The following EHMT1 variants were observed in gnomAD, a reference collection of about 807,000 sequenced individuals.
The protein encoded by EHMT1 is histone-lysine N-methyltransferase EHMT1.
In EHMT1, 15 loss-of-function variants were observed where a neutral mutation model predicts 147.2. The observed-to-expected ratio is 0.10, with a 90% CI of 0.07 to 0.16. The LOEUF (loss-of-function observed/expected upper bound fraction) is 0.16, where lower values mean the gene tolerates loss of function less well. Ranked by LOEUF, EHMT1 falls within the 10% of genes least tolerant of loss-of-function variation. EHMT1 has a pLI of 1.00. For synonymous variants in EHMT1, 795 were observed against 709.6 expected (o/e 1.12, Z -1.91); for missense variants, 1,587 against 1,772.4 (o/e 0.90, Z 1.88).
At chr9:137,825,192 C>T (rs978388489) in intron 25 of EHMT1, among the ~76,000 whole-genome samples, 25 of 152,314 alleles carry the variant, frequency 1.6e-4, no homozygotes, top group African/African-American at 3.6e-4. Flanking sequence ...GGCTTTGCCA[C>T]GCTGCCTTCC....
intron 16 of EHMT1, among the ~76,000 whole-genome samples, chr9:137,792,739 C>A (rs765755394): frequency 6.6e-6 from 1 of 152,000 alleles, no homozygotes; most frequent in Non-Finnish European, 1.5e-5. Context: ...ATGAAAGGCC[C>A]GTACTTAAGA....
In EHMT1 at chr9:137,641,379, C is replaced by T. The variant is rs182889036; in HGVS notation, c.21+22330C>T. 1.7e-4 allele frequency: 88 copies of T among 517,658 alleles called. No individual in the cohort carries two copies. In the East Asian group the frequency reaches 4.0e-3, roughly 23 times the overall value. 32.1% of individuals were successfully genotyped at this position (517,658 alleles called of 1,614,324 possible). A position where few individuals can be genotyped will look rare whatever the true frequency, so the allele number is the denominator to read the frequency against. On this transcript the variant is annotated intron_variant, in intron 1 of 26. Transcript: ENST00000460843. ...GTAAGGATTTTCGTCAAAATAAAAA[C>T]CTATTCTGTAACCTGATTTAATATC...
At chr9:137,774,698 A>G (rs1164347882) in intron 10 of EHMT1, among the ~76,000 whole-genome samples, 15 of 91,522 alleles carry the variant, frequency 1.6e-4, no homozygotes, top group Admixed American at 4.2e-4. Flanking sequence ...GGGTGTGGGC[A>G]CGCCTGCCCC....
Position 137,776,530 on chromosome 9 carries a change from G to A in EHMT1, c.1792-88G>A. 3 of 1,348,884 alleles carry A rather than the reference G, an allele frequency of 2.2e-6. No individual in the cohort carries two copies. Among genetic ancestry groups the A allele is most frequent in the Non-Finnish European group, 3.1e-6 (3 of 960,750 alleles). 83.6% of individuals were successfully genotyped at this position (1,348,884 alleles called of 1,614,324 possible). A position where few individuals can be genotyped will look rare whatever the true frequency, so the allele number is the denominator to read the frequency against. ...CTCACTCTGCAGACCGCCCGATGTG[G>A]GATGCGGTGCCAGTTTAGTAGTACT... On this transcript the variant is annotated intron_variant, in intron 11 of 26. Coordinates refer to ENST00000460843, the MANE Select transcript of EHMT1 (RefSeq NM_024757.5). This position sits in a 1 kb window ranked among gnomAD's most constrained non-coding sequence, Gnocchi z 4.4.
In EHMT1 at chr9:137,627,370, C is replaced by T. The variant is rs190734005; in HGVS notation, c.21+8321C>T. Among the ~76,000 whole-genome samples, 44 of 149,540 alleles carry T rather than the reference C, an allele frequency of 2.9e-4. 1 individual carries two copies. Among genetic ancestry groups the T allele is most frequent in the African/African-American group, 1.1e-3 (43 of 40,508 alleles). ...CTCCACCTCCCGGGTTCAAACGATTCTCTTACCTCAGCCTCCCAAGTAGCT... is the reference window on the plus strand; with the variant it reads ...CTCCACCTCCCGGGTTCAAACGATTTTCTTACCTCAGCCTCCCAAGTAGCT... On this transcript the variant is annotated intron_variant, in intron 1 of 26. Transcript: ENST00000460843.
chr9:137,813,981 C>T lies in EHMT1; in HGVS notation c.3181-450C>T, dbSNP rs1052475966. On this transcript the variant is annotated intron_variant, in intron 21 of 26. Coordinates refer to ENST00000460843, the MANE Select transcript of EHMT1 (RefSeq NM_024757.5). This position sits in a 1 kb window ranked among gnomAD's most constrained non-coding sequence, Gnocchi z 4.9. ...TGCAGCCTGGTGCCCTCACTGCTTG[C>T]GCCTTCTCGAGCACTTTCCTTGTGG... 1.5e-4 allele frequency among the ~76,000 whole-genome samples: 22 copies of T among 150,480 alleles called. No individual in the cohort carries two copies. The highest frequency in any genetic ancestry group is 4.2e-4 in the African/African-American group (17 of 40,632).
intron 18 of EHMT1, chr9:137,803,059 CGGCCCTAGTGT>C: frequency 8.1e-7 from 1 of 1,230,194 alleles, no homozygotes; most frequent in Non-Finnish European, 1.0e-6. Flanking sequence ...GCGGGGAAGG[CGGCCCTAGTGT>C]GGCTGGTCGG....
intron 25 of EHMT1, among the ~76,000 whole-genome samples, chr9:137,832,077 C>T (rs528715497): frequency 2.4e-3 from 355 of 149,282 alleles, no homozygotes; most frequent in African/African-American, 8.2e-3. Flanking sequence ...CCGCCTCCTA[C>T]GTGGCCGCTG....
At chr9:137,760,110 T>A (rs922409171) in intron 9 of EHMT1, among the ~76,000 whole-genome samples, 2 of 151,472 alleles carry the variant, frequency 1.3e-5, no homozygotes, top group Non-Finnish European at 2.9e-5. Context: ...GGGCCAGGAG[T>A]CGGTAACCAT....
At chr9:137,760,757 C>G (rs895619974) in intron 9 of EHMT1, among the ~76,000 whole-genome samples, 11 of 152,204 alleles carry the variant, frequency 7.2e-5, no homozygotes, top group Non-Finnish European at 1.2e-4. Context: ...GGCCTGTAAT[C>G]CCAGCACTTT....
intron 10 of EHMT1, among the ~76,000 whole-genome samples, chr9:137,768,588 C>T (rs113751203): frequency 0.033 from 2,946 of 88,584 alleles, 326 homozygotes; most frequent in African/African-American, 0.13. Flanking sequence ...CTTGCTCTGT[C>T]GCCCAGGCTG....
chr9:137,811,401 A>G, intron 18 of EHMT1, 60 bp from the exon 19 acceptor site: 3 of 1,604,240 alleles, frequency 1.9e-6, no homozygotes, highest in Non-Finnish European at 2.5e-6. Flanking sequence ...GCTGTGGCCC[A>G]GCCCCAGCAC....
intron 16 of EHMT1, among the ~76,000 whole-genome samples, chr9:137,796,322 G>A (rs1010440756): frequency 6.6e-6 from 1 of 152,188 alleles, no homozygotes. Context: ...CTTCAAAAAG[G>A]TGTCACAAAG....
At chr9:137,702,813 T>C (rs894368433) in intron 1 of EHMT1, among the ~76,000 whole-genome samples, 7 of 152,268 alleles carry the variant, frequency 4.6e-5, no homozygotes, top group Admixed American at 1.3e-4. Context: ...AGGAAGCTTC[T>C]GTCTGGACAT....
chr9:137,713,943 C>G (rs905813772), intron 2 of EHMT1, among the ~76,000 whole-genome samples: 1 of 152,008 alleles, frequency 6.6e-6, no homozygotes, highest in African/African-American at 2.4e-5. Flanking sequence ...CAGCGAGACT[C>G]CATCTCAAAA....
intron 1 of EHMT1, among the ~76,000 whole-genome samples, chr9:137,645,583 C>T (rs867260824): frequency 1.3e-5 from 2 of 152,150 alleles, no homozygotes; most frequent in Non-Finnish European, 2.9e-5. Context: ...ATAGAAGCAG[C>T]GAAGAGGGGC....
Position 137,779,556 on chromosome 9 carries a change from T to C in EHMT1, c.2193-79T>C, listed in dbSNP as rs981283836. 4.0e-6 allele frequency: 6 copies of C among 1,490,344 alleles called. No homozygotes were observed. The African/African-American group carries it at 8.3e-5, about 21-fold the overall frequency. The allele number at this position is 1,490,344 out of a possible 1,614,324, so 92.3% of individuals were successfully genotyped here. A position where few individuals can be genotyped will look rare whatever the true frequency, so the allele number is the denominator to read the frequency against. On this transcript the variant is annotated intron_variant, in intron 13 of 26. Coordinates refer to ENST00000460843, the MANE Select transcript of EHMT1 (RefSeq NM_024757.5). ...AGCTTGAGGGGCTGGTGGGGAGATG[T>C]CCGCCGGGCCTTCCAGCCTTCAGCT... is the stretch of plus-strand genomic sequence containing the variant.
intron 3 of EHMT1, among the ~76,000 whole-genome samples, chr9:137,721,014 C>T (rs1018389793): frequency 3.9e-5 from 3 of 77,506 alleles, no homozygotes; most frequent in South Asian, 4.6e-4. Flanking sequence ...TCCTCGCCGG[C>T]GTCCTCGCCA....
At chr9:137,759,219 T>C (rs1949620225) in intron 9 of EHMT1, among the ~76,000 whole-genome samples, 1 of 152,178 alleles carries the variant, frequency 6.6e-6, no homozygotes, top group African/African-American at 2.4e-5. Flanking sequence ...TTTTTCCTCT[T>C]CTTGCACCAA....
Sources: gnomAD v4.1 joint callset for allele counts (sites outside exome capture counted in the v4.1 genomes callset) on GRCh38, gnomAD v4.1.1 for gene constraint, Gnocchi (gnomAD v3.1) non-coding constraint, MANE v1.5 for transcripts, NCBI Gene and HGNC (gene_info 2026-07-23, HGNC 2026-07-21) for gene names.